The following DLG1 variants were observed in gnomAD, a reference collection of about 807,000 sequenced individuals.
DLG1 encodes discs large MAGUK scaffold protein 1.
Under a neutral mutation model 123.4 loss-of-function variants are expected in DLG1, and 42 were observed. That is an observed-to-expected ratio of 0.34 (90% CI 0.27 to 0.44). The LOEUF is 0.44. Ranked by LOEUF, DLG1 falls within the 20% of genes least tolerant of loss-of-function variation. The pLI is 1.00. For missense variants in DLG1, 942 were observed against 1,082.6 expected (o/e 0.87, Z 1.82); for synonymous variants, 317 against 356.2 (o/e 0.89, Z 1.24).
intron 4 of DLG1, among the ~76,000 whole-genome samples, chr3:197,257,853 T>C (rs192231156): frequency 6.6e-6 from 1 of 152,302 alleles, no homozygotes; most frequent in Admixed American, 6.5e-5. Context: ...TCTGAGTTAA[T>C]TTTCCTACAG....
At position 197,069,265 on chromosome 3, in the gene DLG1, A is replaced by T; in HGVS notation, c.2006-5T>A. 1 of 1,583,488 alleles carries T rather than the reference A, an allele frequency of 6.3e-7. No individual in the cohort carries two copies. Among genetic ancestry groups the T allele is most frequent in the Non-Finnish European group, 8.6e-7 (1 of 1,163,670 alleles). On this transcript the variant is annotated splice_region_variant and splice_polypyrimidine_tract_variant and intron_variant, in intron 18 of 24. Coordinates refer to ENST00000667157, the MANE Select transcript of DLG1 (RefSeq NM_001366207.1). ...TGGCATTAGAAGTTACATGCTCTGA[A>T]ATTGCAGGACAATGAAAAAAAATAA... is the stretch of plus-strand genomic sequence containing the variant.
intron 4 of DLG1, among the ~76,000 whole-genome samples, chr3:197,249,170 G>A (rs1388002814): frequency 6.6e-6 from 1 of 151,488 alleles, no homozygotes; most frequent in Non-Finnish European, 1.5e-5. Context: ...CTTTTAGCTA[G>A]GCTAAAAAAA....
chr3:197,048,472 A>C (rs1357737156), intron 24 of DLG1, among the ~76,000 whole-genome samples: 3 of 152,178 alleles, frequency 2.0e-5, no homozygotes, highest in South Asian at 2.1e-4. Flanking sequence ...CTCTGTCACA[A>C]ACACACACGC....
upstream of DLG1, chr3:197,299,186 G>A (rs1778717044): frequency 1.3e-5 from 2 of 152,256 alleles, no homozygotes; most frequent in Non-Finnish European, 2.9e-5. Flanking sequence ...GGAATCTCGG[G>A]AAGCTTTCCA....
chr3:197,194,942 C>T (rs1409627378), intron 4 of DLG1, among the ~76,000 whole-genome samples: 4 of 151,994 alleles, frequency 2.6e-5, no homozygotes, highest in Non-Finnish European at 4.4e-5. Context: ...TTTCTTACTC[C>T]GTTAACTTGT....
chr3:197,271,812 GC>G (rs1764018460), intron 4 of DLG1, among the ~76,000 whole-genome samples: 1 of 152,130 alleles, frequency 6.6e-6, no homozygotes, highest in Admixed American at 6.5e-5. Flanking sequence ...TAGTTTAAGT[GC>G]ATGATGTCTA....
chr3:197,230,906 A>G (rs1324723289), intron 4 of DLG1, among the ~76,000 whole-genome samples: 2 of 150,876 alleles, frequency 1.3e-5, no homozygotes, highest in Non-Finnish European at 2.9e-5. Context: ...AAGAAATGAC[A>G]TTGCTTTCCA....
At chr3:197,068,184 T>C (rs1413670709) in intron 19 of DLG1, among the ~76,000 whole-genome samples, 2 of 152,230 alleles carry the variant, frequency 1.3e-5, no homozygotes, top group Non-Finnish European at 2.9e-5. Flanking sequence ...TTTTTTAAAG[T>C]ACTGGATGTG....
At chr3:197,272,505 T>C (rs370304943) in intron 4 of DLG1, among the ~76,000 whole-genome samples, 1 of 152,230 alleles carries the variant, frequency 6.6e-6, no homozygotes, top group South Asian at 2.1e-4. Flanking sequence ...CCATTTTTCA[T>C]AGTGTGGTGA....
chr3:197,107,266 C>G (rs757010174), intron 13 of DLG1, among the ~76,000 whole-genome samples: 2 of 152,048 alleles, frequency 1.3e-5, no homozygotes, highest in Non-Finnish European at 2.9e-5. Context: ...ATATACTGGC[C>G]AGGTGTGGTG....
chr3:197,211,029 T>C (rs1469552452), intron 4 of DLG1, among the ~76,000 whole-genome samples: 1 of 145,246 alleles, frequency 6.9e-6, no homozygotes, highest in African/African-American at 2.4e-5. Flanking sequence ...AAAAAATAAA[T>C]TAATGTAATT....
chr3:197,264,361 C>G (rs73088471), intron 4 of DLG1, among the ~76,000 whole-genome samples: 21,719 of 152,150 alleles, frequency 0.14, 2,171 homozygotes, highest in African/African-American at 0.28. Flanking sequence ...CTCCAAAATC[C>G]AAAATCTTTT....
At chr3:197,286,494 A>C (rs1219925832) in intron 3 of DLG1, among the ~76,000 whole-genome samples, 2 of 152,028 alleles carry the variant, frequency 1.3e-5, no homozygotes, top group Non-Finnish European at 2.9e-5. Flanking sequence ...GCCGCTACTG[A>C]CCTGACGGGA....
At chr3:197,122,042 T>C (rs1677116125) in intron 11 of DLG1, among the ~76,000 whole-genome samples, 1 of 151,638 alleles carries the variant, frequency 6.6e-6, no homozygotes, top group African/African-American at 2.4e-5. Flanking sequence ...GACAGAAAAA[T>C]TTCAGGACAC....
chr3:197,226,131 G>T (rs1189946485), intron 4 of DLG1: 1 of 152,188 alleles, frequency 6.6e-6, no homozygotes, highest in East Asian at 1.9e-4. Context: ...CCACAGCAGA[G>T]ATCAGGTCGG....
intron 14 of DLG1, among the ~76,000 whole-genome samples, chr3:197,101,053 T>C (rs1288528226): frequency 6.6e-6 from 1 of 152,234 alleles, no homozygotes; most frequent in African/African-American, 2.4e-5. Context: ...ATTTCTTCTG[T>C]TGCCTCTTGC....
At chr3:197,128,075 T>C (rs1780705572) in intron 11 of DLG1, among the ~76,000 whole-genome samples, 1 of 152,172 alleles carries the variant, frequency 6.6e-6, no homozygotes, top group Non-Finnish European at 1.5e-5. Context: ...AAAAATGCAG[T>C]TGGCCATATC....
chr3:197,229,638 A>G (rs1321428576), intron 4 of DLG1, among the ~76,000 whole-genome samples: 1 of 152,190 alleles, frequency 6.6e-6, no homozygotes, highest in Non-Finnish European at 1.5e-5. Flanking sequence ...TTGCCTATAA[A>G]TACTTAGATA....
At chr3:197,062,482 T>C (rs976978427) in intron 22 of DLG1, among the ~76,000 whole-genome samples, 11 of 152,200 alleles carry the variant, frequency 7.2e-5, no homozygotes, top group Non-Finnish European at 1.5e-5. Flanking sequence ...CTATGTATTA[T>C]AATATGTTAT....
Sources: allele counts gnomAD v4.1 joint callset (sites outside exome capture counted in the v4.1 genomes callset), GRCh38; gene constraint gnomAD v4.1.1; transcripts MANE v1.5; gene names NCBI Gene and HGNC (gene_info 2026-07-23, HGNC 2026-07-21).